The following GAN variants were observed in gnomAD, a reference collection of about 807,000 sequenced individuals.
GAN encodes epididymis secretory sperm binding protein.
In GAN, 48 loss-of-function variants were observed where a neutral mutation model predicts 71.3. The observed-to-expected ratio is 0.67, with a 90% CI of 0.53 to 0.86. The LOEUF is 0.86. Among genes scored for constraint, GAN ranks in the 40% least tolerant of loss-of-function variants. The pLI, the probability that GAN is intolerant of heterozygous loss-of-function variation, is 0.00. For missense variants in GAN, 928 were observed against 770.1 expected (o/e 1.21, Z -2.43); for synonymous variants, 386 against 276.8 (o/e 1.39, Z -3.92).
chr16:81,342,063 T>A (rs9674190), intron 1 of GAN, among the ~76,000 whole-genome samples: 121,183 of 152,156 alleles, frequency 0.8, 48,616 homozygotes, highest in East Asian at 0.95. Flanking sequence ...TAAAGGGATC[T>A]ATTCAACAAG....
In GAN at chr16:81,377,659, G is replaced by A. The variant is rs1904286578; in HGVS notation, c.*63G>A. On this transcript the variant is annotated 3_prime_UTR_variant, in exon 11 of 11. Coordinates refer to ENST00000648994, the MANE Select transcript of GAN (RefSeq NM_022041.4). ...AGCACCATAACATAGCTCCGAAAGG[G>A]AGAGCAGAGATGGCAGCTGAAACTC... 5 of 1,433,662 alleles carry A rather than the reference G, an allele frequency of 3.5e-6. No homozygotes were observed. Among genetic ancestry groups the A allele is most frequent in the Non-Finnish European group, 4.9e-6 (5 of 1,016,806 alleles). The allele number at this position is 1,433,662 out of a possible 1,614,324, so 88.8% of individuals were successfully genotyped here. A position where few individuals can be genotyped will look rare whatever the true frequency, so the allele number is the denominator to read the frequency against.
intron 1 of GAN, among the ~76,000 whole-genome samples, chr16:81,345,719 A>T (rs1423718760): frequency 1.3e-5 from 2 of 152,226 alleles, no homozygotes; most frequent in Admixed American, 1.3e-4. Context: ...CGTTCTGCAC[A>T]TGTAACCCAG....
intron 1 of GAN, among the ~76,000 whole-genome samples, chr16:81,336,549 G>A (rs967462354): frequency 2.0e-5 from 3 of 151,868 alleles, no homozygotes; most frequent in African/African-American, 7.3e-5. Context: ...CTGTAGCCTC[G>A]ACCTACTGGG....
intron 3 of GAN, among the ~76,000 whole-genome samples, chr16:81,355,781 T>G (rs1396055577): frequency 6.6e-6 from 1 of 152,216 alleles, no homozygotes; most frequent in East Asian, 1.9e-4. Flanking sequence ...ATTTTACTGT[T>G]AATTGTTCTT....
At chr16:81,321,427 G>A (rs546975843) in intron 1 of GAN, among the ~76,000 whole-genome samples, 42 of 152,232 alleles carry the variant, frequency 2.8e-4, no homozygotes, top group African/African-American at 9.6e-4. Flanking sequence ...CTCCTGTGAT[G>A]TCTCCTTCAA....
chr16:81,328,504 A>AT (rs1358850799), intron 1 of GAN, among the ~76,000 whole-genome samples: 2 of 152,180 alleles, frequency 1.3e-5, no homozygotes, highest in Non-Finnish European at 2.9e-5. Flanking sequence ...TTCTTTTTGT[A>AT]TTTTTTGTGA....
chr16:81,328,148 A>C (rs763394612), intron 1 of GAN, among the ~76,000 whole-genome samples: 1 of 152,256 alleles, frequency 6.6e-6, no homozygotes, highest in African/African-American at 2.4e-5. Flanking sequence ...GACGCGAACT[A>C]GATTTAAATT....
intron 9 of GAN, among the ~76,000 whole-genome samples, chr16:81,371,637 C>G (rs1251792279): frequency 6.6e-6 from 1 of 152,114 alleles, no homozygotes; most frequent in Non-Finnish European, 1.5e-5. Context: ...GCTTCTCTAC[C>G]TCTCCTCTTT....
At chr16:81,374,844 C>G (rs765019732) in intron 9 of GAN, among the ~76,000 whole-genome samples, 1 of 152,198 alleles carries the variant, frequency 6.6e-6, no homozygotes, top group Non-Finnish European at 1.5e-5. Flanking sequence ...TGATTTTCAA[C>G]AGAGGTGCCA....
intron 4 of GAN, among the ~76,000 whole-genome samples, chr16:81,357,325 C>G (rs956872622): frequency 5.9e-5 from 9 of 152,224 alleles, no homozygotes; most frequent in African/African-American, 1.9e-4. Context: ...TCTCATTGTT[C>G]AGTTCCCACC....
At chr16:81,350,842 A>G (rs1024292501) in intron 1 of GAN, among the ~76,000 whole-genome samples, 4 of 151,196 alleles carry the variant, frequency 2.6e-5, no homozygotes, top group Non-Finnish European at 5.9e-5. Context: ...ACATAGCACA[A>G]AAGAGTCATA....
Position 81,383,666 on chromosome 16 carries a change from G to A in GAN, c.*6070G>A, listed in dbSNP as rs903189701. On this transcript the variant is annotated 3_prime_UTR_variant, in exon 11 of 11. Transcript: ENST00000648994. ...AATTTCTTCCTGGCTCAACAAAGTT[G>A]TTGAGCTTCCTTCTGTGCACACATT... 3 of 151,710 alleles carry A rather than the reference G, an allele frequency of 2.0e-5. No homozygotes were observed. Among genetic ancestry groups the A allele is most frequent in the African/African-American group, 7.3e-5 (3 of 41,226 alleles). The allele number at this position is 151,710 out of a possible 1,614,324, so 9.4% of individuals were successfully genotyped here. A position where few individuals can be genotyped will look rare whatever the true frequency, so the allele number is the denominator to read the frequency against.
intron 1 of GAN, among the ~76,000 whole-genome samples, chr16:81,330,823 A>G (rs1909551486): frequency 6.6e-6 from 1 of 152,284 alleles, no homozygotes; most frequent in Non-Finnish European, 1.5e-5. Context: ...GGTCAGCATC[A>G]TTAGAACAAG....
chr16:81,321,851 C>T (rs575806448), intron 1 of GAN, among the ~76,000 whole-genome samples: 1 of 152,132 alleles, frequency 6.6e-6, no homozygotes, highest in Non-Finnish European at 1.5e-5. Flanking sequence ...GCTATGGTTG[C>T]GACCTTGCAT....
At position 81,356,875 on chromosome 16, in the gene GAN, C is replaced by G. The variant is rs764816887; in HGVS notation, c.724C>G (p.Arg242Gly). ...REQMLNEPLV[R>G]EIVKECSNIP... ...ACAGATGCTGAATGAACCATTAGTA[C>G]GAGAAATTGTCAAAGAGTGTAGCAA... is the stretch of plus-strand genomic sequence containing the variant. Residue 242 changes from arginine to glycine, a missense_variant, in exon 4 of 11, where the codon CGA becomes GGA. Physicochemically the swap from Arg to Gly is moderately radical, Grantham distance 125. Coordinates refer to ENST00000648994, the MANE Select transcript of GAN (RefSeq NM_022041.4). 6 of 1,613,218 alleles carry G rather than the reference C, an allele frequency of 3.7e-6. No individual in the cohort carries two copies. In the South Asian group the frequency reaches 4.4e-5, roughly 12 times the overall value.
Position 81,379,851 on chromosome 16 carries a change from A to G in GAN, c.*2255A>G, listed in dbSNP as rs1904296574. 1.3e-5 allele frequency: 2 copies of G among 152,026 alleles called. No individual in the cohort carries two copies. The highest frequency in any genetic ancestry group is 4.8e-5 in the African/African-American group (2 of 41,384). The allele number at this position is 152,026 out of a possible 1,614,324, so 9.4% of individuals were successfully genotyped here. ...GAGACAGTTCATTATTTAGGAGTGA[A>G]TGTGTTCCTCTTGCAATATTATCAG... On this transcript the variant is annotated 3_prime_UTR_variant, in exon 11 of 11. Transcript: ENST00000648994.
At chr16:81,368,749 C>T (rs190471864) in intron 9 of GAN, among the ~76,000 whole-genome samples, 5 of 152,350 alleles carry the variant, frequency 3.3e-5, no homozygotes, top group Admixed American at 6.5e-5. Flanking sequence ...GTTATTCCTG[C>T]ATCTGTGTAG....
At chr16:81,355,400 G>C (rs544477873) in intron 3 of GAN, among the ~76,000 whole-genome samples, 1 of 152,328 alleles carries the variant, frequency 6.6e-6, no homozygotes, top group African/African-American at 2.4e-5. Context: ...CTGTCTCCCA[G>C]GCTGAAGGGC....
chr16:81,319,073 C>A (rs576894631), intron 1 of GAN, among the ~76,000 whole-genome samples: 7 of 151,384 alleles, frequency 4.6e-5, no homozygotes, highest in South Asian at 2.1e-4. Context: ...TACAGCACTT[C>A]GGGAGGCTGA....
Sources: gnomAD v4.1 joint callset for allele counts (sites outside exome capture counted in the v4.1 genomes callset) on GRCh38, gnomAD v4.1.1 for gene constraint, MANE v1.5 for transcripts, NCBI Gene and HGNC (gene_info 2026-07-23, HGNC 2026-07-21) for gene names.